Variants in ZSWIM6 observed in about 807,000 individuals in gnomAD.
The protein encoded by ZSWIM6 is zinc finger SWIM domain-containing protein 6.
A neutral mutation model predicts 113.2 loss-of-function variants in ZSWIM6; 9 were observed. The observed-to-expected ratio is 0.08, with a 90% CI of 0.05 to 0.14. The LOEUF (loss-of-function observed/expected upper bound fraction) is 0.14, where lower values mean the gene tolerates loss of function less well. ZSWIM6 is among the 10% of genes least tolerant of loss of function. The pLI is 1.00. For missense variants in ZSWIM6, 1,162 were observed against 1,552.2 expected (o/e 0.75, Z 4.22); for synonymous variants, 611 against 606.5 (o/e 1.01, Z -0.11).
In ZSWIM6 at chr5:61,521,516, A is replaced by T. The variant is rs1749120163; in HGVS notation, c.1513+74A>T. On this transcript the variant is annotated intron_variant, in intron 5 of 13. Coordinates refer to ENST00000252744, the MANE Select transcript of ZSWIM6 (RefSeq NM_020928.2). ...ATATGTGCTTATAATAGTAACTTAC[A>T]ATGTATATGGGAAAATGATTTTACC... The T allele has an allele frequency of 1.1e-5, 13 of 1,199,138 alleles. No individual in the cohort carries two copies. In the South Asian group the frequency reaches 3.5e-4, roughly 33 times the overall value. The allele number at this position is 1,199,138 out of a possible 1,614,324, so 74.3% of individuals were successfully genotyped here.
chr5:61,387,160 C>G (rs2112087482), intron 1 of ZSWIM6, among the ~76,000 whole-genome samples: 1 of 152,296 alleles, frequency 6.6e-6, no homozygotes, highest in South Asian at 2.1e-4. Flanking sequence ...GAAATCTACA[C>G]TTTCCCCCAG....
At chr5:61,404,427 A>G (rs1299774259) in intron 1 of ZSWIM6, among the ~76,000 whole-genome samples, 1 of 152,092 alleles carries the variant, frequency 6.6e-6, no homozygotes, top group Non-Finnish European at 1.5e-5. Flanking sequence ...TGAAGTTCAC[A>G]TTGTCTCCAG....
At position 61,332,894 on chromosome 5, in the gene ZSWIM6, C is replaced by T. The variant is rs1221249652; in HGVS notation, c.622C>T (p.Arg208Cys). ...CGGCGACGAGACGCGGCTGCCTTTC[C>T]GCCGGGGCATCGCGCTGTTGGAAAG... is the stretch of plus-strand genomic sequence containing the variant. Reference protein sequence around the residue: ...DGGDETRLPFRRGIALLESGC... With the variant: ...DGGDETRLPFCRGIALLESGC... Residue 208 changes from arginine to cysteine, a missense_variant, in exon 1 of 14, where the codon CGC becomes TGC. Arg to Cys is a radical substitution (Grantham distance 180). Transcript: ENST00000252744. 3.7e-6 allele frequency: 5 copies of T among 1,339,516 alleles called. No individual in the cohort carries two copies. The highest frequency in any genetic ancestry group is 1.5e-5 in the African/African-American group (1 of 65,908). 83.0% of individuals were successfully genotyped at this position (1,339,516 alleles called of 1,614,324 possible). A position where few individuals can be genotyped will look rare whatever the true frequency, so the allele number is the denominator to read the frequency against.
chr5:61,539,962 G>A (rs1352490843), intron 12 of ZSWIM6, among the ~76,000 whole-genome samples: 1 of 152,024 alleles, frequency 6.6e-6, no homozygotes, highest in Non-Finnish European at 1.5e-5. Context: ...TGCATGGACT[G>A]TACATTTAGC....
chr5:61,393,820 G>A (rs944167312), intron 1 of ZSWIM6, among the ~76,000 whole-genome samples: 2 of 151,984 alleles, frequency 1.3e-5, no homozygotes, highest in Admixed American at 1.3e-4. Context: ...AGACTTGAGG[G>A]TTCTTGGGTC....
intron 1 of ZSWIM6, among the ~76,000 whole-genome samples, chr5:61,435,542 A>G (rs1321671097): frequency 6.6e-6 from 1 of 152,236 alleles, no homozygotes; most frequent in Admixed American, 6.5e-5. Context: ...TGGAATACAA[A>G]TAATGCTTAT....
chr5:61,497,052 C>G (rs1460097380), intron 4 of ZSWIM6, among the ~76,000 whole-genome samples: 1 of 151,634 alleles, frequency 6.6e-6, no homozygotes, highest in Non-Finnish European at 1.5e-5. Context: ...ATGCTTAACT[C>G]CTTAGCACTG....
rs113814963 is a variant in ZSWIM6, at chr5:61,396,111, A to G, written c.676+63163A>G. 6.8e-3 allele frequency among the ~76,000 whole-genome samples: 1,039 copies of G among 152,292 alleles called. 14 individuals carry two copies. The highest frequency in any genetic ancestry group is 0.023 in the African/African-American group (962 of 41,574). On this transcript the variant is annotated intron_variant, in intron 1 of 13. Transcript: ENST00000252744. ...AACCAGAAGGCTGGGTTTAGCTTCT[A>G]CTTACACCAGCACTGCTAGCTGTGG...
At chr5:61,530,260 C>T (rs1032009845) in intron 8 of ZSWIM6, 62 bp downstream of exon 8, 2 of 1,442,798 alleles carry the variant, frequency 1.4e-6, no homozygotes, top group East Asian at 5.0e-5. Context: ...TGGCAGTAGT[C>T]ATTGTTTTTC....
chr5:61,410,971 C>T (rs979217038), intron 1 of ZSWIM6, among the ~76,000 whole-genome samples: 4 of 152,230 alleles, frequency 2.6e-5, no homozygotes, highest in East Asian at 1.9e-4. Flanking sequence ...TTTATGAAGA[C>T]GTAAGAATAT....
chr5:61,539,384 G>A (rs914565724), intron 11 of ZSWIM6, among the ~76,000 whole-genome samples: 4 of 152,166 alleles, frequency 2.6e-5, no homozygotes, highest in South Asian at 2.1e-4. Flanking sequence ...TTGTGAAGCC[G>A]AGATTCACAG....
chr5:61,432,055 T>G (rs1357205683), intron 1 of ZSWIM6, among the ~76,000 whole-genome samples: 5 of 152,240 alleles, frequency 3.3e-5, no homozygotes, highest in African/African-American at 1.2e-4. Flanking sequence ...CAAATGTTAA[T>G]TTGATGCTTT....
chr5:61,432,071 A>G (rs1476120498), intron 1 of ZSWIM6, among the ~76,000 whole-genome samples: 1 of 152,234 alleles, frequency 6.6e-6, no homozygotes, highest in Non-Finnish European at 1.5e-5. Context: ...GCTTTGAGGC[A>G]TAAATGACCT....
At chr5:61,379,235 A>G (rs1745431574) in intron 1 of ZSWIM6, among the ~76,000 whole-genome samples, 1 of 150,946 alleles carries the variant, frequency 6.6e-6, no homozygotes, top group Admixed American at 6.6e-5. Flanking sequence ...AATAAAGAAT[A>G]GTTTGGAAGT....
intron 4 of ZSWIM6, among the ~76,000 whole-genome samples, chr5:61,519,096 A>G (rs1749040985): frequency 6.6e-6 from 1 of 151,924 alleles, no homozygotes; most frequent in Non-Finnish European, 1.5e-5. Flanking sequence ...TGTTTTTCTC[A>G]TTGATTGTTT....
chr5:61,401,174 CT>C (rs1243480607), intron 1 of ZSWIM6, among the ~76,000 whole-genome samples: 1 of 150,560 alleles, frequency 6.6e-6, no homozygotes. Flanking sequence ...CTTTTCTTTG[CT>C]TTTTTTTTGC....
intron 1 of ZSWIM6, among the ~76,000 whole-genome samples, chr5:61,469,592 A>G (rs899921445): frequency 6.6e-6 from 1 of 152,220 alleles, no homozygotes; most frequent in Non-Finnish European, 1.5e-5. Flanking sequence ...GTATAATGTC[A>G]AGATTCAATA....
At chr5:61,337,569 G>A (rs1744429711) in intron 1 of ZSWIM6, among the ~76,000 whole-genome samples, 1 of 152,162 alleles carries the variant, frequency 6.6e-6, no homozygotes, top group Admixed American at 6.5e-5. Context: ...TTCTACAGAA[G>A]GGAAGTGCCT....
intron 1 of ZSWIM6, among the ~76,000 whole-genome samples, chr5:61,457,080 A>G (rs1371887757): frequency 7.5e-6 from 1 of 133,958 alleles, no homozygotes; most frequent in Non-Finnish European, 1.6e-5. Flanking sequence ...CACAGTCCCC[A>G]GAGTGTGATA....
Sources: allele counts gnomAD v4.1 joint callset (sites outside exome capture counted in the v4.1 genomes callset), GRCh38; gene constraint gnomAD v4.1.1; transcripts MANE v1.5; gene names NCBI Gene and HGNC (gene_info 2026-07-23, HGNC 2026-07-21).